GLIS3: variants seen among roughly 807,000 people sequenced by gnomAD.
The protein encoded by GLIS3 is GLIS family zinc finger 3, also known as zinc finger protein GLIS3.
A neutral mutation model predicts 78.6 loss-of-function variants in GLIS3; 53 were observed. The ratio of observed to expected loss-of-function variants is 0.67; its 90% CI spans 0.54 to 0.85. The LOEUF (loss-of-function observed/expected upper bound fraction) is 0.85. Ranked by LOEUF, GLIS3 falls within the 40% of genes least tolerant of loss-of-function variation. The probability of loss-of-function intolerance (pLI) is 0.00; values close to 1 mark genes in which losing one functional copy is unlikely to be tolerated. For missense variants in GLIS3, 1,703 were observed against 1,231.1 expected (o/e 1.38, Z -5.74); for synonymous variants, 684 against 509.9 (o/e 1.34, Z -4.60).
At chr9:4,470,101 G>A in the GLIS3 span, among the ~76,000 whole-genome samples, 1 of 152,124 alleles carries the variant, frequency 6.6e-6, no homozygotes, top group African/African-American at 2.4e-5. Flanking sequence ...CTGAAATTGA[G>A]GCAATAATTA....
chr9:4,422,427 G>C, the GLIS3 span, among the ~76,000 whole-genome samples: 3 of 152,216 alleles, frequency 2.0e-5, no homozygotes, highest in African/African-American at 7.2e-5. Context: ...CCATGTATGT[G>C]AGATGATAAA....
intron 6 of GLIS3, among the ~76,000 whole-genome samples, chr9:3,923,248 A>G (rs1172310072): frequency 6.6e-6 from 1 of 152,186 alleles, no homozygotes; most frequent in Non-Finnish European, 1.5e-5. Context: ...ACCACTGTAT[A>G]TGTTTAACAC....
chr9:4,063,101 A>C (rs1271226694), intron 4 of GLIS3, among the ~76,000 whole-genome samples: 1 of 152,170 alleles, frequency 6.6e-6, no homozygotes, highest in African/African-American at 2.4e-5. Context: ...AAAAAAAACA[A>C]TGCACAAAGA....
chr9:4,285,186 T>C (rs1202049823), intron 2 of GLIS3, among the ~76,000 whole-genome samples: 1 of 152,216 alleles, frequency 6.6e-6, no homozygotes, highest in Non-Finnish European at 1.5e-5. Flanking sequence ...GAATATATAA[T>C]TGTGCTATTT....
At chr9:4,019,087 T>G (rs1223059871) in intron 4 of GLIS3, among the ~76,000 whole-genome samples, 1 of 152,178 alleles carries the variant, frequency 6.6e-6, no homozygotes, top group African/African-American at 2.4e-5. Flanking sequence ...TGATGAACAC[T>G]AGTTCAATCC....
intron 4 of GLIS3, among the ~76,000 whole-genome samples, chr9:3,951,479 G>A (rs1438168196): frequency 6.6e-6 from 1 of 151,510 alleles, no homozygotes; most frequent in Non-Finnish European, 1.5e-5. Flanking sequence ...TCTTTCAAGA[G>A]TAGTATTTAG....
At chr9:4,364,492 T>C in the GLIS3 span, among the ~76,000 whole-genome samples, 4 of 152,178 alleles carry the variant, frequency 2.6e-5, no homozygotes, top group East Asian at 1.9e-4. Context: ...ATTAAAATTA[T>C]GGTGTAAATG....
intron 2 of GLIS3, among the ~76,000 whole-genome samples, chr9:4,242,811 T>C (rs1315978661): frequency 1.3e-5 from 2 of 152,184 alleles, no homozygotes; most frequent in South Asian, 2.1e-4. Flanking sequence ...TGGGCTGAAA[T>C]AGTATTTTAG....
chr9:4,252,321 C>G (rs1824478581), intron 2 of GLIS3, among the ~76,000 whole-genome samples: 1 of 151,890 alleles, frequency 6.6e-6, no homozygotes, highest in African/African-American at 2.4e-5. Flanking sequence ...TTCTTTTTTT[C>G]TGTAAATTTG....
chr9:4,375,560 A>G, the GLIS3 span, among the ~76,000 whole-genome samples: 1 of 152,226 alleles, frequency 6.6e-6, no homozygotes, highest in Non-Finnish European at 1.5e-5. Context: ...TGTGGCTAAC[A>G]AAAGATAATC....
At chr9:3,882,038 T>TA (rs1180321792) in intron 7 of GLIS3, among the ~76,000 whole-genome samples, 1 of 152,240 alleles carries the variant, frequency 6.6e-6, no homozygotes, top group East Asian at 1.9e-4. Context: ...ATATGCAGAG[T>TA]TAACTGTGTT....
chr9:4,249,947 C>G (rs1458763636), intron 2 of GLIS3, among the ~76,000 whole-genome samples: 1 of 152,178 alleles, frequency 6.6e-6, no homozygotes, highest in East Asian at 1.9e-4. Context: ...GTTGAACCAG[C>G]CTTGTATCCT....
intron 2 of GLIS3, among the ~76,000 whole-genome samples, chr9:4,311,652 G>A (rs1297665621): frequency 6.6e-6 from 1 of 151,974 alleles, no homozygotes; most frequent in Non-Finnish European, 1.5e-5. Context: ...CAGCAACATG[G>A]TGGCCCTGAC....
At chr9:4,202,233 C>T (rs944737297) in intron 2 of GLIS3, among the ~76,000 whole-genome samples, 8 of 143,394 alleles carry the variant, frequency 5.6e-5, no homozygotes, top group African/African-American at 1.5e-4. Context: ...TCACTGCAAG[C>T]TCTGCCTCCT....
the GLIS3 span, among the ~76,000 whole-genome samples, chr9:4,411,793 C>T: frequency 6.6e-6 from 1 of 152,174 alleles, no homozygotes; most frequent in South Asian, 2.1e-4. Context: ...GAAGTTTTTG[C>T]ATTTTTCTCT....
chr9:4,026,888 T>C (rs1310641463), intron 4 of GLIS3, among the ~76,000 whole-genome samples: 1 of 152,070 alleles, frequency 6.6e-6, no homozygotes, highest in Non-Finnish European at 1.5e-5. Flanking sequence ...CTCTTATAGA[T>C]GAAAAGAGAG....
chr9:4,253,725 G>A (rs934000470), intron 2 of GLIS3, among the ~76,000 whole-genome samples: 3 of 152,188 alleles, frequency 2.0e-5, no homozygotes, highest in African/African-American at 7.2e-5. Context: ...GAAACCCACG[G>A]CCCTGGTGGT....
chr9:4,330,343 G>A lies in GLIS3; in HGVS notation n.264+16738C>T, dbSNP rs115722850. On this transcript the variant is annotated intron_variant and non_coding_transcript_variant, in intron 2 of 4. Coordinates refer to the GLIS3 transcript ENST00000471664. ...CCATCCAGAGTCTCTGATTCAATAG[G>A]TCTGGCACAGGCCCTGCGAGTTGGC... is the stretch of plus-strand genomic sequence containing the variant. Among the ~76,000 whole-genome samples the A allele has an allele frequency of 1.8e-3, 272 of 152,348 alleles. 1 individual carries two copies. Among genetic ancestry groups the A allele is most frequent in the African/African-American group, 6.2e-3 (259 of 41,570 alleles).
the GLIS3 span, among the ~76,000 whole-genome samples, chr9:4,364,756 C>CTATTTTTTTTTTTTTT: frequency 1.6e-5 from 1 of 61,080 alleles, no homozygotes; most frequent in Non-Finnish European, 2.9e-5. Flanking sequence ...TCATGTATTG[C>CTATTTTTTTTTTTTTT]TTTTTTTTTT....
Sources: gnomAD v4.1 joint callset for allele counts (sites outside exome capture counted in the v4.1 genomes callset) on GRCh38, gnomAD v4.1.1 for gene constraint, MANE v1.5 for transcripts, NCBI Gene and HGNC (gene_info 2026-07-23, HGNC 2026-07-21) for gene names.